KCNN2: variants seen among roughly 807,000 people sequenced by gnomAD.
KCNN2 encodes the protein potassium calcium-activated channel subfamily N member 2, also known as small conductance calcium-activated potassium channel protein 2.
Under a neutral mutation model 55.5 loss-of-function variants are expected in KCNN2, and 24 were observed. That is an observed-to-expected ratio of 0.43 (90% CI 0.31 to 0.61). KCNN2 has a LOEUF of 0.61. Among genes scored for constraint, KCNN2 ranks in the 20% least tolerant of loss-of-function variants. The probability of loss-of-function intolerance (pLI) is 0.08; values close to 1 mark genes in which losing one functional copy is unlikely to be tolerated. For synonymous variants in KCNN2, 431 were observed against 336.1 expected (o/e 1.28, Z -3.09); for missense variants, 754 against 853.6 (o/e 0.88, Z 1.45).
chr5:114,493,503 G>T (rs1233328238), intron 7 of KCNN2, 31 bp downstream of exon 7: 7 of 1,500,502 alleles, frequency 4.7e-6, no homozygotes, highest in Admixed American at 1.7e-5. Flanking sequence ...CCTCCTAGTT[G>T]CATCTGTTGA....
At chr5:114,458,602 G>T (rs1761040701) in intron 3 of KCNN2, among the ~76,000 whole-genome samples, 1 of 152,144 alleles carries the variant, frequency 6.6e-6, no homozygotes, top group Non-Finnish European at 1.5e-5. Context: ...AATGAATAAG[G>T]CATAGTCGTT....
At chr5:114,400,999 T>A (rs556144377) in intron 2 of KCNN2, among the ~76,000 whole-genome samples, 1 of 152,118 alleles carries the variant, frequency 6.6e-6, no homozygotes, top group African/African-American at 2.4e-5. Context: ...CTTTTTTTTT[T>A]TTCCTAGCAA....
At chr5:114,387,139 T>C (rs1172169957) in intron 2 of KCNN2, among the ~76,000 whole-genome samples, 2 of 152,234 alleles carry the variant, frequency 1.3e-5, no homozygotes, top group Non-Finnish European at 2.9e-5. Flanking sequence ...TTTGTCTGGT[T>C]CTGAATCCAA....
chr5:114,482,560 T>A (rs769795755), intron 5 of KCNN2, among the ~76,000 whole-genome samples: 21 of 152,178 alleles, frequency 1.4e-4, no homozygotes, highest in Non-Finnish European at 2.4e-4. Flanking sequence ...CATTCTATTA[T>A]AAACATATAT....
chr5:114,162,821 C>T (rs1752817864), intron 1 of KCNN2, among the ~76,000 whole-genome samples: 1 of 152,142 alleles, frequency 6.6e-6, no homozygotes, highest in Non-Finnish European at 1.5e-5. Context: ...ATATAATCTC[C>T]TGGTGTGCCG....
At chr5:114,076,934 A>T (rs1299001813) in intron 1 of KCNN2, among the ~76,000 whole-genome samples, 3 of 152,176 alleles carry the variant, frequency 2.0e-5, no homozygotes, top group Non-Finnish European at 4.4e-5. Flanking sequence ...ACCTCAGGTG[A>T]TCCACCCACC....
upstream of KCNN2, among the ~76,000 whole-genome samples, chr5:114,359,755 A>G (rs1314075817): frequency 1.3e-5 from 2 of 152,256 alleles, no homozygotes; most frequent in African/African-American, 4.8e-5. Context: ...TTTTCACTCA[A>G]TCGCTACGTA....
At chr5:114,417,289 G>C (rs1356495703) in intron 3 of KCNN2, among the ~76,000 whole-genome samples, 1 of 152,158 alleles carries the variant, frequency 6.6e-6, no homozygotes, top group Admixed American at 6.5e-5. Flanking sequence ...TACATGTCTG[G>C]AAGGGAATGA....
At chr5:114,106,628 G>A (rs1008691292) in intron 1 of KCNN2, among the ~76,000 whole-genome samples, 3 of 142,618 alleles carry the variant, frequency 2.1e-5, no homozygotes, top group Non-Finnish European at 4.6e-5. Flanking sequence ...TAATGGCACT[G>A]AGGATTTTCC....
chr5:114,156,013 G>C (rs775830795), intron 1 of KCNN2, among the ~76,000 whole-genome samples: 17 of 152,044 alleles, frequency 1.1e-4, no homozygotes, highest in Admixed American at 2.0e-4. Context: ...TATAGTTTTG[G>C]GTTTTACATT....
At chr5:114,136,169 T>C (rs1439377184) in intron 1 of KCNN2, among the ~76,000 whole-genome samples, 3 of 152,152 alleles carry the variant, frequency 2.0e-5, no homozygotes, top group African/African-American at 7.2e-5. Context: ...CAATAGCCTC[T>C]AGTTTAAGAG....
chr5:114,297,926 A>T, intron 2 of KCNN2, among the ~76,000 whole-genome samples: 1 of 152,174 alleles, frequency 6.6e-6, no homozygotes. Context: ...CAGTTTCCTT[A>T]TACGTGAAAT....
intron 1 of KCNN2, among the ~76,000 whole-genome samples, chr5:114,219,305 A>G (rs945564121): frequency 6.6e-6 from 1 of 152,218 alleles, no homozygotes; most frequent in African/African-American, 2.4e-5. Flanking sequence ...GGTCAGTGTG[A>G]CAGCCTTTTG....
intron 1 of KCNN2, among the ~76,000 whole-genome samples, chr5:114,131,016 A>G (rs1342486292): frequency 6.6e-6 from 1 of 152,252 alleles, no homozygotes; most frequent in African/African-American, 2.4e-5. Flanking sequence ...GTGAACATCC[A>G]AAAGTAAATA....
chr5:114,243,029 G>T (rs528088593), intron 2 of KCNN2, among the ~76,000 whole-genome samples: 1 of 152,240 alleles, frequency 6.6e-6, no homozygotes, highest in East Asian at 1.9e-4. Context: ...CTCTGCCATT[G>T]TGGAACTTAT....
chr5:114,177,223 C>T (rs1292887151), intron 1 of KCNN2, among the ~76,000 whole-genome samples: 9 of 151,058 alleles, frequency 6.0e-5, no homozygotes, highest in Admixed American at 4.0e-4. Flanking sequence ...CTGCAAGCTC[C>T]GCCTCCCGGG....
At chr5:114,323,649 A>ATTTTTTTGTTT (rs1756656235) in intron 2 of KCNN2, among the ~76,000 whole-genome samples, 1 of 85,318 alleles carries the variant, frequency 1.2e-5, no homozygotes, top group African/African-American at 4.0e-5. Context: ...AAACATATCA[A>ATTTTTTTGTTT]TTTTTTTTTT....
At chr5:114,462,457 T>G (rs372837154) in intron 3 of KCNN2, among the ~76,000 whole-genome samples, 137 of 152,246 alleles carry the variant, frequency 9.0e-4, no homozygotes, top group South Asian at 6.8e-3. Flanking sequence ...ATGAAGGACA[T>G]CCAGGTAGAT....
chr5:114,449,176 A>G (rs1433702567), intron 3 of KCNN2, among the ~76,000 whole-genome samples: 9 of 151,958 alleles, frequency 5.9e-5, no homozygotes, highest in South Asian at 4.2e-4. Flanking sequence ...CCCTCACCCT[A>G]TGTTGCTCCT....
Sources: gnomAD v4.1 joint callset for allele counts (sites outside exome capture counted in the v4.1 genomes callset) on GRCh38, gnomAD v4.1.1 for gene constraint, MANE v1.5 for transcripts, NCBI Gene and HGNC (gene_info 2026-07-23, HGNC 2026-07-21) for gene names.